The following ATP13A4 variants were observed in gnomAD, a reference collection of about 807,000 sequenced individuals.
ATP13A4 encodes probable cation-transporting ATPase 13A4.
In ATP13A4, 114 loss-of-function variants were observed where a neutral mutation model predicts 142.5. The observed-to-expected ratio is 0.80, with a 90% CI of 0.69 to 0.93. The LOEUF (loss-of-function observed/expected upper bound fraction) is 0.93, where lower values mean the gene tolerates loss of function less well. ATP13A4 is among the 40% of genes least tolerant of loss of function. The pLI is 0.00. For synonymous variants in ATP13A4, 488 were observed against 514.8 expected (o/e 0.95, Z 0.70); for missense variants, 1,392 against 1,454.0 (o/e 0.96, Z 0.69).
chr3:193,510,316 C>T (rs1449798694), intron 2 of ATP13A4, among the ~76,000 whole-genome samples: 3 of 152,140 alleles, frequency 2.0e-5, no homozygotes, highest in African/African-American at 7.2e-5. Context: ...CGAAAATACT[C>T]CCCATTAAAA....
At chr3:193,573,291 A>ATATATATATATATATATATATATATATT (rs1229123365) in intron 2 of ATP13A4, among the ~76,000 whole-genome samples, 1 of 74,630 alleles carries the variant, frequency 1.3e-5, no homozygotes, top group African/African-American at 6.9e-5. Flanking sequence ...ATATATATAC[A>ATATATATATATATATATATATATATATT]CATATATATA....
intron 2 of ATP13A4, among the ~76,000 whole-genome samples, chr3:193,509,036 T>C (rs1183873324): frequency 2.6e-5 from 4 of 151,458 alleles, no homozygotes; most frequent in African/African-American, 7.3e-5. Flanking sequence ...AGCTTATAAT[T>C]TTAAAGGATC....
At chr3:193,575,184 T>C (rs952524778) in intron 2 of ATP13A4, among the ~76,000 whole-genome samples, 1 of 152,202 alleles carries the variant, frequency 6.6e-6, no homozygotes, top group Admixed American at 6.5e-5. Context: ...TTGTTAGTCA[T>C]GCAGCAATAG....
chr3:193,468,181 A>AAAAT (rs1284499291), intron 9 of ATP13A4, among the ~76,000 whole-genome samples: 2 of 152,212 alleles, frequency 1.3e-5, no homozygotes, highest in East Asian at 1.9e-4. Context: ...CTCCATCTCA[A>AAAAT]AAATAAATAA....
chr3:193,435,586 TGA>T, intron 24 of ATP13A4, 60 bp downstream of exon 24: 1 of 1,295,758 alleles, frequency 7.7e-7, no homozygotes, highest in Non-Finnish European at 1.1e-6. Flanking sequence ...CATTGTAAAT[TGA>T]GAGTGCACCG....
At chr3:193,526,004 G>C (rs1436738151) in intron 1 of ATP13A4, among the ~76,000 whole-genome samples, 1 of 152,116 alleles carries the variant, frequency 6.6e-6, no homozygotes, top group African/African-American at 2.4e-5. Context: ...AGAGATAAAT[G>C]ATTAAAACTA....
chr3:193,511,277 A>G (rs1423734117), intron 2 of ATP13A4, among the ~76,000 whole-genome samples: 1 of 152,214 alleles, frequency 6.6e-6, no homozygotes, highest in African/African-American at 2.4e-5. Flanking sequence ...GCAAAGAAAG[A>G]GGCAGGATGA....
chr3:193,476,812 C>T (rs1032239012), intron 8 of ATP13A4, among the ~76,000 whole-genome samples: 1 of 151,982 alleles, frequency 6.6e-6, no homozygotes, highest in African/African-American at 2.4e-5. Context: ...AGTTGGTGAA[C>T]ATCTGACACC....
chr3:193,538,532 G>A (rs1245695989), intron 1 of ATP13A4, among the ~76,000 whole-genome samples: 2 of 150,898 alleles, frequency 1.3e-5, no homozygotes, highest in African/African-American at 4.9e-5. Flanking sequence ...CTTTAAACAG[G>A]GCCATAGCAG....
chr3:193,521,066 T>C (rs1203583702), intron 1 of ATP13A4, among the ~76,000 whole-genome samples: 2 of 152,226 alleles, frequency 1.3e-5, no homozygotes, highest in Non-Finnish European at 2.9e-5. Flanking sequence ...AAAATGCTTC[T>C]GTGCTGCACC....
At chr3:193,530,205 T>G (rs1722240430) in intron 1 of ATP13A4, among the ~76,000 whole-genome samples, 1 of 152,194 alleles carries the variant, frequency 6.6e-6, no homozygotes, top group Non-Finnish European at 1.5e-5. Context: ...GTGGGTTTTT[T>G]TTTCGGTTTT....
At position 193,466,046 on chromosome 3, in the gene ATP13A4, C is replaced by T; in HGVS notation, c.1251G>A (p.Leu417=). The change falls in exon 11 of 30, where the codon CTG becomes CTA. Residue 417 remains leucine (L), a synonymous_variant. Transcript: ENST00000342695. ...TTACCCCACTAAGCACATAGACACA[C>T]AGAGTATAGATCATCCCAATGGTGG... is the stretch of plus-strand genomic sequence containing the variant. ...GTATIGMIYT[L]CVYVLSGEPP... 1.2e-6 allele frequency: 2 copies of T among 1,614,150 alleles called. No homozygotes were observed. The highest frequency in any genetic ancestry group is 2.2e-5 in the East Asian group (1 of 44,874).
intron 3 of ATP13A4, among the ~76,000 whole-genome samples, chr3:193,495,850 C>T (rs553542810): frequency 6.6e-6 from 1 of 151,926 alleles, no homozygotes; most frequent in African/African-American, 2.4e-5. Flanking sequence ...CTAAAAAAAA[C>T]TAATAAACAA....
At chr3:193,575,984 G>A (rs1724382742) in intron 2 of ATP13A4, among the ~76,000 whole-genome samples, 1 of 152,164 alleles carries the variant, frequency 6.6e-6, no homozygotes, top group African/African-American at 2.4e-5. Flanking sequence ...GGATGGGGCA[G>A]GGAAGAAGGA....
chr3:193,511,267 G>A (rs1045399675), intron 2 of ATP13A4, among the ~76,000 whole-genome samples: 1 of 152,210 alleles, frequency 6.6e-6, no homozygotes, highest in South Asian at 2.1e-4. Flanking sequence ...TGTCAAGGAT[G>A]CAAAGAAAGA....
intron 1 of ATP13A4, chr3:193,554,384 G>T (rs1723772144): frequency 2.8e-6 from 1 of 351,116 alleles, no homozygotes; most frequent in South Asian, 2.5e-5. Flanking sequence ...CTCACATTAG[G>T]GATTTCCTAA....
intron 2 of ATP13A4, among the ~76,000 whole-genome samples, chr3:193,512,035 C>A (rs1180846734): frequency 6.6e-6 from 1 of 152,202 alleles, no homozygotes; most frequent in South Asian, 2.1e-4. Context: ...TGTGCCATAA[C>A]TCTGCCAGCA....
At position 193,400,100 on chromosome 3, in the gene ATP13A4, C is replaced by T. The variant is rs971697142; in HGVS notation, c.*2552G>A. Among the ~76,000 whole-genome samples, 3 of 152,150 alleles carry T rather than the reference C, an allele frequency of 2.0e-5. No homozygotes were observed. Among genetic ancestry groups the T allele is most frequent in the Non-Finnish European group, 2.9e-5 (2 of 68,034 alleles). ...CCCACTGTGATCTTTACCCATTTGT[C>T]CTGATTTTGCCTTCTCATGCCACCT... On this transcript the variant is annotated 3_prime_UTR_variant, in exon 30 of 30. Coordinates refer to ENST00000342695, the MANE Select transcript of ATP13A4 (RefSeq NM_032279.4).
intron 3 of ATP13A4, among the ~76,000 whole-genome samples, chr3:193,501,623 A>G (rs911087457): frequency 6.6e-6 from 1 of 151,918 alleles, no homozygotes; most frequent in Non-Finnish European, 1.5e-5. Flanking sequence ...GGTGATAACA[A>G]TTGACAATAG....
Sources: gnomAD v4.1 joint callset for allele counts (sites outside exome capture counted in the v4.1 genomes callset) on GRCh38, gnomAD v4.1.1 for gene constraint, MANE v1.5 for transcripts, NCBI Gene and HGNC (gene_info 2026-07-23, HGNC 2026-07-21) for gene names.